EBF3: variants seen among roughly 807,000 people sequenced by gnomAD.
EBF3 encodes EBF transcription factor 3.
In EBF3, 18 loss-of-function variants were observed where a neutral mutation model predicts 77.1. That is an observed-to-expected ratio of 0.23 (90% CI 0.16 to 0.35). The LOEUF is 0.35. Among genes scored for constraint, EBF3 ranks in the 10% least tolerant of loss-of-function variants. The pLI, the probability that EBF3 is intolerant of heterozygous loss-of-function variation, is 1.00. For synonymous variants in EBF3, 350 were observed against 343.5 expected, an observed-to-expected ratio of 1.02 and a Z score of -0.21; for missense variants, 558 against 860.0, an observed-to-expected ratio of 0.65 and a Z score of 4.39.
chr10:129,946,904 G>A (rs1564916361), intron 6 of EBF3, among the ~76,000 whole-genome samples: 2 of 152,170 alleles, frequency 1.3e-5, no homozygotes, highest in Admixed American at 6.5e-5. Flanking sequence ...AGTGATCGCT[G>A]GCCTCCCCCT....
chr10:129,890,230 T>C lies in EBF3; in HGVS notation c.555-12381A>G, dbSNP rs1264868424. ...TGCAGACACTGCAACTTAAAATTAATATACAACAGAACCTTCAGCAGAAGG... is the reference window on the plus strand; with the variant it reads ...TGCAGACACTGCAACTTAAAATTAACATACAACAGAACCTTCAGCAGAAGG... On this transcript the variant is annotated intron_variant, in intron 6 of 16. Coordinates refer to ENST00000440978, the MANE Select transcript of EBF3 (RefSeq NM_001375380.1). Among the ~76,000 whole-genome samples the C allele has an allele frequency of 2.6e-5, 4 of 152,292 alleles. No homozygotes were observed. In the East Asian group the frequency reaches 7.7e-4, roughly 29 times the overall value.
At chr10:129,926,201 G>C (rs138733724) in intron 6 of EBF3, among the ~76,000 whole-genome samples, 1 of 152,148 alleles carries the variant, frequency 6.6e-6, no homozygotes, top group Non-Finnish European at 1.5e-5. Context: ...AATGAATACC[G>C]AGAGCATCTG....
intron 6 of EBF3, among the ~76,000 whole-genome samples, chr10:129,950,951 C>A (rs966878362): frequency 2.6e-5 from 4 of 152,236 alleles, no homozygotes; most frequent in East Asian, 1.9e-4. Flanking sequence ...TCTGCAATGA[C>A]AATTTCCATC....
chr10:129,903,678 C>T (rs1267816168), intron 6 of EBF3, among the ~76,000 whole-genome samples: 1 of 152,100 alleles, frequency 6.6e-6, no homozygotes, highest in South Asian at 2.1e-4. Flanking sequence ...ACATATTGGG[C>T]CTGGAGGAAG....
rs749813210 is a variant in EBF3, at chr10:129,835,679, G to GTTTA, written c.*2260_*2263dup. ...ACCTGCTGACTCCTGGGGACATTCT[G>GTTTA]TTTATTTAATTTTGTCCCTAGAATG... is the stretch of plus-strand genomic sequence containing the variant. On this transcript the variant is annotated 3_prime_UTR_variant, in exon 17 of 17. Transcript: ENST00000440978. The GTTTA allele has an allele frequency of 7.9e-5, 12 of 152,272 alleles. No individual in the cohort carries two copies. Among genetic ancestry groups the GTTTA allele is most frequent in the African/African-American group, 2.2e-4 (9 of 41,418 alleles). The allele number at this position is 152,272 out of a possible 1,614,324, so 9.4% of individuals were successfully genotyped here. A position where few individuals can be genotyped will look rare whatever the true frequency, so the allele number is the denominator to read the frequency against.
At chr10:129,859,431 G>A (rs1464850444) in intron 10 of EBF3, among the ~76,000 whole-genome samples, 1 of 152,072 alleles carries the variant, frequency 6.6e-6, no homozygotes, top group Non-Finnish European at 1.5e-5. Context: ...TACCATGTTG[G>A]CCAGGCTGGT....
At chr10:129,951,483 ACAC>A (rs1171392743) in intron 6 of EBF3, among the ~76,000 whole-genome samples, 1 of 152,240 alleles carries the variant, frequency 6.6e-6, no homozygotes, top group Non-Finnish European at 1.5e-5. Context: ...GGGGAAGGCA[ACAC>A]CACGAGGTTT....
chr10:129,910,645 C>T (rs1855464083), intron 6 of EBF3, among the ~76,000 whole-genome samples: 1 of 152,156 alleles, frequency 6.6e-6, no homozygotes, highest in Non-Finnish European at 1.5e-5. Flanking sequence ...ACGCTCCCTG[C>T]TGTGGGTCCC....
intron 6 of EBF3, among the ~76,000 whole-genome samples, chr10:129,932,001 C>A (rs1358240782): frequency 1.3e-5 from 2 of 152,182 alleles, no homozygotes; most frequent in African/African-American, 2.4e-5. Context: ...CTATGTCCAG[C>A]CACCCTGGAG....
intron 6 of EBF3, among the ~76,000 whole-genome samples, chr10:129,917,018 C>T (rs1023891064): frequency 2.0e-5 from 3 of 152,196 alleles, no homozygotes; most frequent in African/African-American, 7.2e-5. Context: ...ATAATAAGTA[C>T]AATAGATTTG....
rs1355788469 is a variant in EBF3, at chr10:129,835,423, G to C, written c.*2520C>G. On this transcript the variant is annotated 3_prime_UTR_variant, in exon 17 of 17. Coordinates refer to ENST00000440978, the MANE Select transcript of EBF3 (RefSeq NM_001375380.1). ...AGTAAAATCTACCATTTAGTGAAGT[G>C]CTCAGTCTTGAGACAGTGAAGTGAT... 6.6e-6 allele frequency: 1 copy of C among 152,224 alleles called. No homozygotes were observed. Among genetic ancestry groups the C allele is most frequent in the Non-Finnish European group, 1.5e-5 (1 of 68,036 alleles). The allele number at this position is 152,224 out of a possible 1,614,324, so 9.4% of individuals were successfully genotyped here.
At chr10:129,902,814 G>A (rs900730631) in intron 6 of EBF3, among the ~76,000 whole-genome samples, 7 of 152,222 alleles carry the variant, frequency 4.6e-5, no homozygotes, top group South Asian at 2.1e-4. Context: ...GCAAGGACTC[G>A]TGTGGAAAGG....
At position 129,921,352 on chromosome 10, in the gene EBF3, T is replaced by C. The variant is rs190306266; in HGVS notation, c.554+35906A>G. 2.4e-3 allele frequency among the ~76,000 whole-genome samples: 365 copies of C among 152,224 alleles called. 3 individuals carry two copies. Among genetic ancestry groups the C allele is most frequent in the African/African-American group, 8.2e-3 (340 of 41,552 alleles). On this transcript the variant is annotated intron_variant, in intron 6 of 16. Coordinates refer to ENST00000440978, the MANE Select transcript of EBF3 (RefSeq NM_001375380.1). Reference sequence around the variant, plus strand: ...TTGCCTGGAATAAACCCTCCCCGCATTGGTCACAACCAAAAAGGCCTCTGG... The same window carrying C: ...TTGCCTGGAATAAACCCTCCCCGCACTGGTCACAACCAAAAAGGCCTCTGG...
At chr10:129,871,421 T>C (rs1852399686) in intron 8 of EBF3, among the ~76,000 whole-genome samples, 1 of 152,216 alleles carries the variant, frequency 6.6e-6, no homozygotes, top group Admixed American at 6.5e-5. Flanking sequence ...TTGGAAACCA[T>C]CAGCGACTGT....
rs759193732 is a variant in EBF3 at position 129,963,562 on chromosome 10, G to C, written c.135-39C>G. ...GAGACAGCGGCCCGGTGAGGAGCGC[G>C]GCGCCGGCCGGCGGAGGGGGCCGGG... On this transcript the variant is annotated intron_variant, in intron 1 of 16. Transcript: ENST00000440978. The surrounding 1 kb of genome is among the most constrained non-coding windows in gnomAD (Gnocchi z 7.1). 1 of 1,314,472 alleles carries C rather than the reference G, an allele frequency of 7.6e-7. No homozygotes were observed. The highest frequency in any genetic ancestry group is 1.9e-5 in the South Asian group (1 of 53,254). 81.4% of individuals were successfully genotyped at this position (1,314,472 alleles called of 1,614,324 possible).
rs201064631 is a variant in EBF3 at position 129,843,124 on chromosome 10, G to T, written c.1194+13C>A. The T allele has an allele frequency of 8.7e-6, 14 of 1,611,116 alleles. No individual in the cohort carries two copies. Among genetic ancestry groups the T allele is most frequent in the Admixed American group, 3.3e-5 (2 of 59,820 alleles). On this transcript the variant is annotated intron_variant, in intron 12 of 16. Coordinates refer to ENST00000440978, the MANE Select transcript of EBF3 (RefSeq NM_001375380.1). ...GGGGGGAGGATGGGCGAGGGGAGCC[G>T]CCCTCCACCTACCTGGTTGTTGTGA...
Position 129,848,701 on chromosome 10 carries a change from G to A in EBF3, c.1040-221C>T, listed in dbSNP as rs116517610. On this transcript the variant is annotated intron_variant, in intron 10 of 16. Transcript: ENST00000440978. The surrounding 1 kb of genome is among the most constrained non-coding windows in gnomAD (Gnocchi z 4.4). ...TGATCTATAATTAGACTGGAAGAAAGTCAAAGGGTGACTCAATATATTGTA... is the reference window on the plus strand; with the variant it reads ...TGATCTATAATTAGACTGGAAGAAAATCAAAGGGTGACTCAATATATTGTA... Among the ~76,000 whole-genome samples, 718 of 152,304 alleles carry A rather than the reference G, an allele frequency of 4.7e-3. 4 individuals carry two copies. The highest frequency in any genetic ancestry group is 0.016 in the African/African-American group (678 of 41,562).
intron 8 of EBF3, among the ~76,000 whole-genome samples, chr10:129,871,201 G>A (rs1852383321): frequency 6.6e-6 from 1 of 152,226 alleles, no homozygotes; most frequent in South Asian, 2.1e-4. Flanking sequence ...AGGGCTCGCG[G>A]AAGGTTTAAA....
At chr10:129,913,685 C>T (rs1855677835) in intron 6 of EBF3, among the ~76,000 whole-genome samples, 1 of 152,184 alleles carries the variant, frequency 6.6e-6, no homozygotes, top group Non-Finnish European at 1.5e-5. Context: ...GCTACGAATG[C>T]TAGATCACCA....
Sources: allele counts gnomAD v4.1 joint callset (sites outside exome capture counted in the v4.1 genomes callset), GRCh38; gene constraint gnomAD v4.1.1; non-coding constraint Gnocchi (gnomAD v3.1); transcripts MANE v1.5; gene names NCBI Gene and HGNC (gene_info 2026-07-23, HGNC 2026-07-21).